The following ANK2 variants were observed in gnomAD, a reference collection of about 807,000 sequenced individuals.
The protein encoded by ANK2 is ankyrin 2, also known as ankyrin-2.
Under a neutral mutation model 360.5 loss-of-function variants are expected in ANK2, and 83 were observed. The observed-to-expected ratio is 0.23, with a 90% confidence interval of 0.19 to 0.28. The LOEUF (loss-of-function observed/expected upper bound fraction) is 0.28. ANK2 is among the 10% of genes least tolerant of loss of function. The probability of loss-of-function intolerance (pLI) is 1.00; values close to 1 mark genes in which losing one functional copy is unlikely to be tolerated. For missense variants in ANK2, 4,201 were observed against 4,795.7 expected (o/e 0.88, Z 3.66); for synonymous variants, 1,740 against 1,759.5 (o/e 0.99, Z 0.28).
the ANK2 span, among the ~76,000 whole-genome samples, chr4:112,754,762 C>G: frequency 6.6e-6 from 1 of 151,940 alleles, no homozygotes; most frequent in Admixed American, 6.6e-5. Context: ...TAAAGTTGCC[C>G]AAGAAAACTT....
intron 1 of ANK2, among the ~76,000 whole-genome samples, chr4:112,894,749 C>G (rs2081238536): frequency 6.6e-6 from 1 of 152,152 alleles, no homozygotes; most frequent in Admixed American, 6.5e-5. Flanking sequence ...CTGGCTATTT[C>G]AGCTTGATTT....
At chr4:113,268,015 G>A (rs1394190533) in intron 14 of ANK2, among the ~76,000 whole-genome samples, 1 of 152,120 alleles carries the variant, frequency 6.6e-6, no homozygotes, top group Non-Finnish European at 1.5e-5. Flanking sequence ...TGTAGCAATT[G>A]TGAATGGGAA....
In ANK2 at chr4:113,357,384, A is replaced by G; in HGVS notation, c.8766A>G (p.Pro2922=). The G allele has an allele frequency of 2.5e-6, 4 of 1,614,060 alleles. No individual in the cohort carries two copies. Among genetic ancestry groups the G allele is most frequent in the Non-Finnish European group, 3.4e-6 (4 of 1,179,956 alleles). ...CTGAGAATGATGAAATCTATGATCC[A>G]CAAATCACTAGCCCTTATGAAAATG... The part of the protein sequence containing the change: ...DLAENDEIYD[P]QITSPYENVP... Residue 2922 remains proline, a synonymous_variant, in exon 38 of 46, where the codon CCA becomes CCG. Coordinates refer to ENST00000357077, the MANE Select transcript of ANK2 (RefSeq NM_001148.6).
At chr4:113,173,174 A>T (rs1484548180) in intron 1 of ANK2, among the ~76,000 whole-genome samples, 1 of 152,222 alleles carries the variant, frequency 6.6e-6, no homozygotes, top group Admixed American at 6.5e-5. Context: ...GTTAAAAGTG[A>T]GGTAACTTAG....
At chr4:112,978,602 C>T (rs2042159163) in intron 2 of ANK2, among the ~76,000 whole-genome samples, 1 of 152,180 alleles carries the variant, frequency 6.6e-6, no homozygotes, top group South Asian at 2.1e-4. Flanking sequence ...TGCCTTATTT[C>T]ACTTAGTGTT....
At chr4:112,809,125 C>G in the ANK2 span, among the ~76,000 whole-genome samples, 15 of 151,784 alleles carry the variant, frequency 9.9e-5, no homozygotes, top group African/African-American at 3.6e-4. Context: ...TCCCAAAGTG[C>G]TAGGATTACA....
chr4:113,255,199 C>A (rs1394387391), intron 10 of ANK2, among the ~76,000 whole-genome samples: 1 of 152,148 alleles, frequency 6.6e-6, no homozygotes, highest in Non-Finnish European at 1.5e-5. Context: ...CTGTTTTCTC[C>A]AAGTCCAATT....
chr4:113,293,342 G>A (rs1217784858), intron 21 of ANK2, 98 bp from the exon 22 acceptor site: 1 of 1,047,072 alleles, frequency 9.6e-7, no homozygotes. Flanking sequence ...TGTTTTGGAA[G>A]GAAATGCTGG....
At chr4:112,868,849 ATTT>A (rs2071686929) in intron 1 of ANK2, among the ~76,000 whole-genome samples, 1 of 152,124 alleles carries the variant, frequency 6.6e-6, no homozygotes, top group South Asian at 2.1e-4. Context: ...AACTATTTGT[ATTT>A]TTATTATAGA....
the ANK2 span, among the ~76,000 whole-genome samples, chr4:112,765,638 G>A: frequency 6.8e-6 from 1 of 148,036 alleles, no homozygotes; most frequent in African/African-American, 2.5e-5. Context: ...CTGTGTTCTG[G>A]AACAACTCCC....
chr4:112,737,016 C>A, the ANK2 span, among the ~76,000 whole-genome samples: 1 of 152,036 alleles, frequency 6.6e-6, no homozygotes. Context: ...GTTTTTAAGA[C>A]CTTGGGCTCT....
chr4:113,360,595 C>T lies in ANK2; in HGVS notation c.10682-228C>T, dbSNP rs146904471. On this transcript the variant is annotated intron_variant, in intron 38 of 45. Coordinates refer to ENST00000357077, the MANE Select transcript of ANK2 (RefSeq NM_001148.6). ...GCAACTTATATAATTATGTCTAGAA[C>T]TAGTCTTGATTAAAGAGATATGGAA... Among the ~76,000 whole-genome samples, 3 of 152,176 alleles carry T rather than the reference C, an allele frequency of 2.0e-5. No homozygotes were observed. In the East Asian group the frequency reaches 5.8e-4, roughly 29 times the overall value.
At chr4:112,935,055 C>T (rs1160454977) in intron 2 of ANK2, among the ~76,000 whole-genome samples, 1 of 151,694 alleles carries the variant, frequency 6.6e-6, no homozygotes, top group Admixed American at 6.6e-5. Flanking sequence ...TCCAGGAGCA[C>T]CAAAGCATTC....
At chr4:112,957,160 G>A (rs1280050854) in intron 2 of ANK2, among the ~76,000 whole-genome samples, 6 of 151,244 alleles carry the variant, frequency 4.0e-5, no homozygotes, top group Non-Finnish European at 5.9e-5. Context: ...AGGACCCTGC[G>A]GCCTTCCGCA....
intron 7 of ANK2, among the ~76,000 whole-genome samples, chr4:113,240,151 T>A (rs1481120133): frequency 1.3e-5 from 2 of 152,230 alleles, no homozygotes; most frequent in Non-Finnish European, 2.9e-5. Flanking sequence ...TGAAACCTGA[T>A]GTTGTTTAAA....
intron 2 of ANK2, among the ~76,000 whole-genome samples, chr4:112,961,686 A>G (rs1343083928): frequency 1.3e-5 from 2 of 152,142 alleles, no homozygotes; most frequent in Non-Finnish European, 2.9e-5. Flanking sequence ...CCATGTGTCA[A>G]TGGTCCACTT....
At chr4:112,957,851 A>G (rs1279417692) in intron 2 of ANK2, among the ~76,000 whole-genome samples, 33 of 140,836 alleles carry the variant, frequency 2.3e-4, no homozygotes, top group Non-Finnish European at 4.8e-4. Flanking sequence ...GGCGGTTGCC[A>G]GGCAGAGGGT....
chr4:113,286,219 T>C (rs927201250), intron 18 of ANK2, among the ~76,000 whole-genome samples: 1 of 152,194 alleles, frequency 6.6e-6, no homozygotes, highest in Non-Finnish European at 1.5e-5. Context: ...AAGGAGAAAA[T>C]TAAGAAAGAA....
Position 113,353,184 on chromosome 4 carries a change from CACAGATGTG to C in ANK2, c.4567_4575del (p.Thr1523_Val1525del), listed in dbSNP as rs763987725. On this transcript the variant is annotated inframe_deletion, in exon 38 of 46. Coordinates refer to ENST00000357077, the MANE Select transcript of ANK2 (RefSeq NM_001148.6). ...TGATCAAAATGACCGCCATCTTGAC[CACAGATGTG>C]TCTGATAAGGCAGGTTCTATTAAAG... 6.2e-7 allele frequency: 1 copy of C among 1,614,008 alleles called. No individual in the cohort carries two copies. The highest frequency in any genetic ancestry group is 1.7e-5 in the Admixed American group (1 of 60,008).
Sources: allele counts gnomAD v4.1 joint callset (sites outside exome capture counted in the v4.1 genomes callset), GRCh38; gene constraint gnomAD v4.1.1; transcripts MANE v1.5; gene names NCBI Gene and HGNC (gene_info 2026-07-23, HGNC 2026-07-21).